CAMKK1: variants seen among roughly 807,000 people sequenced by gnomAD.
The protein encoded by CAMKK1 is calcium/calmodulin dependent protein kinase kinase 1, also known as calcium/calmodulin-dependent protein kinase kinase 1.
Under a neutral mutation model 63.5 loss-of-function variants are expected in CAMKK1, and 20 were observed. The observed-to-expected ratio is 0.32, with a 90% confidence interval of 0.22 to 0.46. The LOEUF is 0.46. CAMKK1 is among the 20% of genes least tolerant of loss of function. CAMKK1 has a pLI of 1.00. For missense variants in CAMKK1, 588 were observed against 658.1 expected (o/e 0.89, Z 1.17); for synonymous variants, 253 against 269.0 (o/e 0.94, Z 0.58).
chr17:3,870,018 C>T (rs529446365), intron 12 of CAMKK1, 130 bp from the exon 13 acceptor site: 6 of 722,538 alleles, frequency 8.3e-6, no homozygotes, highest in South Asian at 8.3e-5. Context: ...AGGAATTTCA[C>T]AACAAGGGCT....
chr17:3,875,952 G>A (rs2055131530), intron 10 of CAMKK1, among the ~76,000 whole-genome samples: 1 of 152,132 alleles, frequency 6.6e-6, no homozygotes, highest in South Asian at 2.1e-4. Flanking sequence ...AGGAAACAGG[G>A]TTCTCTTTGT....
At position 3,880,337 on chromosome 17, in the gene CAMKK1, C is replaced by T. The variant is rs370720296; in HGVS notation, c.796+9G>A. 7.1e-5 allele frequency: 115 copies of T among 1,612,938 alleles called. No individual in the cohort carries two copies. The highest frequency in any genetic ancestry group is 9.4e-5 in the Non-Finnish European group (111 of 1,179,370). On this transcript the variant is annotated intron_variant, in intron 9 of 15. Transcript: ENST00000348335. ...CCCAGCCCCAGTGGGCAAGCTGCCC[C>T]GCACTCACAGTACTCGAGGCCCAGG...
chr17:3,871,347 GTTTTTTTT>G (rs869219931), intron 12 of CAMKK1, among the ~76,000 whole-genome samples: 5 of 104,358 alleles, frequency 4.8e-5, no homozygotes, highest in African/African-American at 1.1e-4. Flanking sequence ...TTTTTTTTTT[GTTTTTTTT>G]TTTTTTTTTT....
At chr17:3,886,279 A>T (rs537357174) in intron 1 of CAMKK1, among the ~76,000 whole-genome samples, 1 of 152,248 alleles carries the variant, frequency 6.6e-6, no homozygotes, top group South Asian at 2.1e-4. Flanking sequence ...CACTGCTTCC[A>T]GGAAGACTTC....
Position 3,862,222 on chromosome 17 carries a change from C to T in CAMKK1, c.1507G>A (p.Ala503Thr), listed in dbSNP as rs752473571. ...PELPGVQEDE[A>T]AS ...GTGCATGCAGGGGCTCAGGATGCAGCCTCGTCTTCCTGGACGCCGGGGAGC... is the reference window on the plus strand; with the variant it reads ...GTGCATGCAGGGGCTCAGGATGCAGTCTCGTCTTCCTGGACGCCGGGGAGC... Residue 503 changes from alanine to threonine, a missense_variant, in exon 16 of 16, where the codon GCT (alanine) becomes ACT (threonine). Ala to Thr is a moderately conservative substitution (Grantham distance 58, BLOSUM62 0). Transcript: ENST00000348335. The surrounding 1 kb of genome is among the most constrained non-coding windows in gnomAD (Gnocchi z 4.1). The T allele has an allele frequency of 1.9e-5, 30 of 1,588,352 alleles. No homozygotes were observed. The highest frequency in any genetic ancestry group is 2.6e-5 in the Non-Finnish European group (30 of 1,166,800).
chr17:3,889,663 T>G lies in CAMKK1; in HGVS notation c.-44+3276A>C, dbSNP rs1177471813. On this transcript the variant is annotated intron_variant, in intron 1 of 15. Coordinates refer to ENST00000348335, the MANE Select transcript of CAMKK1 (RefSeq NM_032294.3). The surrounding 1 kb of genome is among the most constrained non-coding windows in gnomAD (Gnocchi z 5.2). Reference sequence around the variant, plus strand: ...AGAAGCGTCCAAGAGAGCCTTGATGTGCAAGGTCCAACCCCACCTCTGCCC... The same window carrying G: ...AGAAGCGTCCAAGAGAGCCTTGATGGGCAAGGTCCAACCCCACCTCTGCCC... 1.3e-5 allele frequency among the ~76,000 whole-genome samples: 2 copies of G among 152,060 alleles called. No homozygotes were observed. Among genetic ancestry groups the G allele is most frequent in the African/African-American group, 4.8e-5 (2 of 41,392 alleles).
Position 3,890,785 on chromosome 17 carries a change from C to G in CAMKK1, c.-44+2154G>C. The G allele has an allele frequency of 2.4e-5, 19 of 779,764 alleles. No individual in the cohort carries two copies. The South Asian group carries it at 2.5e-4, about 10-fold the overall frequency. 48.3% of individuals were successfully genotyped at this position (779,764 alleles called of 1,614,324 possible). A position where few individuals can be genotyped will look rare whatever the true frequency, so the allele number is the denominator to read the frequency against. ...AGCTGTGCCTTCTGCCAGGAACACA[C>G]CTCCCTCTCCTCTGCTGCCTGGAGG... On this transcript the variant is annotated intron_variant, in intron 1 of 15. Transcript: ENST00000348335. This position sits in a 1 kb window ranked among gnomAD's most constrained non-coding sequence, Gnocchi z 6.5.
At chr17:3,867,972 CT>C (rs1157371195) in intron 14 of CAMKK1, among the ~76,000 whole-genome samples, 1 of 126,660 alleles carries the variant, frequency 7.9e-6, no homozygotes, top group Non-Finnish European at 1.7e-5. Flanking sequence ...TACGCAGGAT[CT>C]GGGGGAGATG....
At position 3,861,942 on chromosome 17, in the gene CAMKK1, G is replaced by A. The variant is rs1342666582; in HGVS notation, c.*269C>T. ...ATTTCTGAGGCTCCATGGGCACCCG[G>A]TTTCCCCACAGAATGGGTCAGGCCA... On this transcript the variant is annotated 3_prime_UTR_variant, in exon 16 of 16. Coordinates refer to ENST00000348335, the MANE Select transcript of CAMKK1 (RefSeq NM_032294.3). 8.3e-5 allele frequency: 39 copies of A among 472,720 alleles called. No individual in the cohort carries two copies. The highest frequency in any genetic ancestry group is 1.3e-4 in the Non-Finnish European group (34 of 261,440). The allele number at this position is 472,720 out of a possible 1,614,324, so 29.3% of individuals were successfully genotyped here.
In CAMKK1 at chr17:3,876,428, G is replaced by A; in HGVS notation, c.797-6C>T. The A allele has an allele frequency of 1.2e-6, 2 of 1,613,180 alleles. No individual in the cohort carries two copies. Among genetic ancestry groups the A allele is most frequent in the East Asian group, 4.5e-5 (2 of 44,884 alleles). ...GACGATCTTCTGGCAGTGCACTGCA[G>A]AGAAGGGGAGCTTGAGCTGAGCGCT... On this transcript the variant is annotated splice_polypyrimidine_tract_variant and splice_region_variant and intron_variant, in intron 9 of 15. Transcript: ENST00000348335.
chr17:3,876,471 C>T (rs781146888), intron 9 of CAMKK1, 49 bp from the exon 10 acceptor site: 5 of 1,522,988 alleles, frequency 3.3e-6, no homozygotes, highest in African/African-American at 2.7e-5. Context: ...GCACCGCTGG[C>T]CAGGACCCCA....
At chr17:3,870,526 C>T (rs1420525409) in intron 12 of CAMKK1, among the ~76,000 whole-genome samples, 5 of 152,076 alleles carry the variant, frequency 3.3e-5, no homozygotes, top group South Asian at 2.1e-4. Context: ...CCACCGTGCC[C>T]GGCTAATTTT....
chr17:3,861,304 A>C lies in CAMKK1; in HGVS notation c.*907T>G, dbSNP rs2054327508. 6.6e-6 allele frequency: 1 copy of C among 152,466 alleles called. No homozygotes were observed. Among genetic ancestry groups the C allele is most frequent in the South Asian group, 2.1e-4 (1 of 4,838 alleles). 9.4% of individuals were successfully genotyped at this position (152,466 alleles called of 1,614,324 possible). ...GGGTTCCAGTTATTTCAGCATGCGCAGGGCCACAGGCCTGTCGCGTCCATG... is the reference window on the plus strand; with the variant it reads ...GGGTTCCAGTTATTTCAGCATGCGCCGGGCCACAGGCCTGTCGCGTCCATG... On this transcript the variant is annotated 3_prime_UTR_variant, in exon 16 of 16. Transcript: ENST00000348335.
rs1177946374 is a variant in CAMKK1, at chr17:3,862,315, T to C, written c.1446-32A>G. The C allele has an allele frequency of 3.3e-6, 5 of 1,527,848 alleles. No individual in the cohort carries two copies. Among genetic ancestry groups the C allele is most frequent in the Non-Finnish European group, 4.5e-6 (5 of 1,122,326 alleles). The allele number at this position is 1,527,848 out of a possible 1,614,324, so 94.6% of individuals were successfully genotyped here. Reference sequence around the variant, plus strand: ...AGGGGACACCAGGGACAGAGGGACCTCAGGGTCAGAATATGCACTCAGGGA... The same window carrying C: ...AGGGGACACCAGGGACAGAGGGACCCCAGGGTCAGAATATGCACTCAGGGA... On this transcript the variant is annotated intron_variant, in intron 15 of 15. Transcript: ENST00000348335. The surrounding 1 kb of genome is among the most constrained non-coding windows in gnomAD (Gnocchi z 4.1).
At chr17:3,877,058 G>A (rs576416423) in intron 9 of CAMKK1, among the ~76,000 whole-genome samples, 1 of 152,218 alleles carries the variant, frequency 6.6e-6, no homozygotes, top group East Asian at 1.9e-4. Flanking sequence ...GCCCCCAGCT[G>A]GGAGCAGAGT....
At chr17:3,881,384 G>A (rs2055405122) in intron 8 of CAMKK1, among the ~76,000 whole-genome samples, 1 of 152,134 alleles carries the variant, frequency 6.6e-6, no homozygotes, top group Non-Finnish European at 1.5e-5. Context: ...TATCTTCCTA[G>A]TTCTTCAAGG....
rs546911639 is a variant in CAMKK1, at chr17:3,882,426, G to A, written c.685+102C>T. ...TGTGTTTTTCTTCTGTCCCCAGGAG[G>A]TCAGTGCATTTACACCGCCCACCTG... On this transcript the variant is annotated intron_variant, in intron 7 of 15. Coordinates refer to ENST00000348335, the MANE Select transcript of CAMKK1 (RefSeq NM_032294.3). This position sits in a 1 kb window ranked among gnomAD's most constrained non-coding sequence, Gnocchi z 4.3. 6.3e-7 allele frequency: 1 copy of A among 1,584,236 alleles called. No homozygotes were observed. Among genetic ancestry groups the A allele is most frequent in the Admixed American group, 1.7e-5 (1 of 59,908 alleles).
rs984692316 is a variant in CAMKK1 at position 3,883,622 on chromosome 17, G to A, written c.463-142C>T. The A allele has an allele frequency of 2.9e-5, 23 of 802,614 alleles. No homozygotes were observed. Among genetic ancestry groups the A allele is most frequent in the African/African-American group, 1.8e-4 (11 of 59,622 alleles). The allele number at this position is 802,614 out of a possible 1,614,324, so 49.7% of individuals were successfully genotyped here. On this transcript the variant is annotated intron_variant, in intron 4 of 15. Coordinates refer to ENST00000348335, the MANE Select transcript of CAMKK1 (RefSeq NM_032294.3). The surrounding 1 kb of genome is among the most constrained non-coding windows in gnomAD (Gnocchi z 4.7). ...GGTGTGGCCCAGGTAAGTGTTAAGC[G>A]GGGTTGGGGGTGGCCATATCTGAGC...
At chr17:3,885,184 A>C in intron 2 of CAMKK1, 144 bp downstream of exon 2, 1 of 978,664 alleles carries the variant, frequency 1.0e-6, no homozygotes, top group Non-Finnish European at 1.4e-6. Context: ...GGAAGAAGCT[A>C]TATTGTTAGG....
Sources: gnomAD v4.1 joint callset for allele counts (sites outside exome capture counted in the v4.1 genomes callset) on GRCh38, gnomAD v4.1.1 for gene constraint, Gnocchi (gnomAD v3.1) non-coding constraint, MANE v1.5 for transcripts, NCBI Gene and HGNC (gene_info 2026-07-23, HGNC 2026-07-21) for gene names.